Variants in UBR1 observed in about 807,000 individuals in gnomAD.
UBR1 encodes ubiquitin protein ligase E3 component n-recognin 1.
A neutral mutation model predicts 242.1 loss-of-function variants in UBR1; 102 were observed. The observed-to-expected ratio is 0.42, with a 90% CI of 0.36 to 0.50. The LOEUF (loss-of-function observed/expected upper bound fraction) is 0.50, where lower values mean the gene tolerates loss of function less well. Ranked by LOEUF, UBR1 falls within the 20% of genes least tolerant of loss-of-function variation. The pLI, the probability that UBR1 is intolerant of heterozygous loss-of-function variation, is 0.01. For missense variants in UBR1, 1,772 were observed against 2,101.8 expected (o/e 0.84, Z 3.07); for synonymous variants, 675 against 684.8 (o/e 0.99, Z 0.22).
chr15:43,057,955 A>G (rs2033638403), intron 10 of UBR1, among the ~76,000 whole-genome samples: 1 of 151,420 alleles, frequency 6.6e-6, no homozygotes, highest in African/African-American at 2.4e-5. Context: ...TGTTGCCCAG[A>G]CTAGAGGGCA....
Position 42,952,464 on chromosome 15 carries a change from A to G in UBR1, c.4836-16T>C. On this transcript the variant is annotated splice_polypyrimidine_tract_variant and intron_variant, in intron 44 of 46. Transcript: ENST00000290650. ...CCGTGGGCACCTCAAAAGAGAAGAA[A>G]ACATTTAGAGAATGATGGAAAAACA... 6.2e-7 allele frequency: 1 copy of G among 1,614,122 alleles called. No individual in the cohort carries two copies.
chr15:42,954,385 G>A (rs1223842084), intron 44 of UBR1, among the ~76,000 whole-genome samples: 1 of 152,130 alleles, frequency 6.6e-6, no homozygotes, highest in Non-Finnish European at 1.5e-5. Context: ...AGCTAGAACA[G>A]GAAGGTCAAT....
rs184351682 is a variant in UBR1, at chr15:42,944,285, T to C, written c.*1044A>G. On this transcript the variant is annotated 3_prime_UTR_variant, in exon 47 of 47. Coordinates refer to ENST00000290650, the MANE Select transcript of UBR1 (RefSeq NM_174916.3). Reference sequence around the variant, plus strand: ...AACAAGATGGCTCAACCACAGCATGTTATAACAGGACACAGACTATTGATC... The same window carrying C: ...AACAAGATGGCTCAACCACAGCATGCTATAACAGGACACAGACTATTGATC... 1.2e-3 allele frequency: 185 copies of C among 152,744 alleles called. No individual in the cohort carries two copies. Among genetic ancestry groups the C allele is most frequent in the Admixed American group, 3.1e-3 (48 of 15,298 alleles). 9.5% of individuals were successfully genotyped at this position (152,744 alleles called of 1,614,324 possible). A position where few individuals can be genotyped will look rare whatever the true frequency, so the allele number is the denominator to read the frequency against.
At chr15:43,012,469 G>A (rs1184201192) in intron 29 of UBR1, among the ~76,000 whole-genome samples, 1 of 152,198 alleles carries the variant, frequency 6.6e-6, no homozygotes, top group Non-Finnish European at 1.5e-5. Context: ...GTAATGCAGA[G>A]ATGGTCAAAG....
chr15:43,086,071 T>C lies in UBR1; in HGVS notation c.251A>G (p.Asp84Gly). ...LEWYLFGEDP[D>G]ICLEKLKHSG... ...GTGCTTCAATTTCTCTAAGCAAATA[T>C]CTGGATCTTCTCCAAATAAGTACCA... The change falls in exon 2 of 47, where the codon GAT becomes GGT. Residue 84 changes from aspartate (D) to glycine (G), a missense_variant. Physicochemically the swap from Asp to Gly is moderately conservative, Grantham distance 94. Around this residue, in one of 3 missense-constraint regions of UBR1, gnomAD observed 734 missense variants for 893.3 expected, o/e 0.82. Coordinates refer to ENST00000290650, the MANE Select transcript of UBR1 (RefSeq NM_174916.3). 1 of 1,614,138 alleles carries C rather than the reference T, an allele frequency of 6.2e-7. No homozygotes were observed. The highest frequency in any genetic ancestry group is 8.5e-7 in the Non-Finnish European group (1 of 1,180,022).
intron 10 of UBR1, among the ~76,000 whole-genome samples, chr15:43,056,984 T>C (rs2033626928): frequency 6.6e-6 from 1 of 152,098 alleles, no homozygotes; most frequent in Non-Finnish European, 1.5e-5. Flanking sequence ...AATAGGAATA[T>C]ACTCAGTCAC....
chr15:42,964,686 C>A (rs558686007), intron 41 of UBR1, among the ~76,000 whole-genome samples: 20 of 152,176 alleles, frequency 1.3e-4, no homozygotes, highest in Non-Finnish European at 2.2e-4. Context: ...CCTGTCATCT[C>A]CTGTTACCCT....
intron 1 of UBR1, among the ~76,000 whole-genome samples, chr15:43,090,028 T>C (rs1030916882): frequency 1.3e-5 from 2 of 152,212 alleles, no homozygotes; most frequent in Non-Finnish European, 2.9e-5. Context: ...TAATTTCCTG[T>C]CCTTGATAAT....
chr15:43,070,397 G>T (rs1372173806), intron 5 of UBR1, among the ~76,000 whole-genome samples: 1 of 151,846 alleles, frequency 6.6e-6, no homozygotes, highest in Admixed American at 6.6e-5. Context: ...GCTAAATGGA[G>T]ATACACTGTT....
intron 3 of UBR1, among the ~76,000 whole-genome samples, chr15:43,076,213 C>G (rs1280195436): frequency 7.2e-5 from 11 of 152,116 alleles, no homozygotes; most frequent in African/African-American, 2.6e-4. Flanking sequence ...AGCCCCTAAC[C>G]GCGAGTGATC....
At chr15:43,049,851 CAA>C (rs1271592832) in intron 12 of UBR1, among the ~76,000 whole-genome samples, 2 of 152,186 alleles carry the variant, frequency 1.3e-5, no homozygotes, top group African/African-American at 4.8e-5. Context: ...CACTACTACT[CAA>C]AGTGTGGTCC....
intron 23 of UBR1, 137 bp from the exon 24 acceptor site, chr15:43,025,566 T>C (rs2033168010): frequency 1.2e-5 from 8 of 667,574 alleles, no homozygotes; most frequent in Non-Finnish European, 2.1e-5. Context: ...TGCCTCTTTG[T>C]CCTAGAAATA....
chr15:42,966,940 G>T (rs1596078439), intron 40 of UBR1, among the ~76,000 whole-genome samples: 1 of 151,824 alleles, frequency 6.6e-6, no homozygotes, highest in Admixed American at 6.6e-5. Flanking sequence ...TATTTTTTGA[G>T]ATAGAGTCTT....
Position 42,945,395 on chromosome 15 carries a change from T to C in UBR1, c.5184A>G (p.Ile1728Met), listed in dbSNP as rs2031714973. 3 of 1,614,228 alleles carry C rather than the reference T, an allele frequency of 1.9e-6. No individual in the cohort carries two copies. Among genetic ancestry groups the C allele is most frequent in the Non-Finnish European group, 2.5e-6 (3 of 1,180,040 alleles). The change falls in exon 47 of 47, where the codon ATA (isoleucine) becomes ATG (methionine). Residue 1728 changes from isoleucine (I) to methionine (M), a missense_variant. Around this residue, in one of 3 missense-constraint regions of UBR1, gnomAD observed 965 missense variants for 1,079.7 expected, o/e 0.89. Coordinates refer to ENST00000290650, the MANE Select transcript of UBR1 (RefSeq NM_174916.3). ...LHLVWQQHCI[I>M]EEIARSQETN... ...TCTCTTGGCTCCTAGCAATCTCTTC[T>C]ATAATGCAGTGTTGTTGCCAGACCA...
intron 35 of UBR1, among the ~76,000 whole-genome samples, chr15:42,987,050 C>A (rs1307863933): frequency 6.6e-6 from 1 of 152,258 alleles, no homozygotes; most frequent in Non-Finnish European, 1.5e-5. Context: ...GCGGCGCTTC[C>A]TCAGCTCCCA....
intron 19 of UBR1, among the ~76,000 whole-genome samples, chr15:43,035,094 A>T (rs993748221): frequency 6.6e-6 from 1 of 152,186 alleles, no homozygotes; most frequent in African/African-American, 2.4e-5. Flanking sequence ...TATAGTTATT[A>T]AAAATGATGA....
intron 38 of UBR1, 79 bp downstream of exon 38, chr15:42,977,801 C>CA: frequency 8.1e-7 from 1 of 1,232,258 alleles, no homozygotes; most frequent in Non-Finnish European, 1.2e-6. Flanking sequence ...TAATCTTGAA[C>CA]AAAGGGCATG....
intron 40 of UBR1, 100 bp from the exon 41 acceptor site, chr15:42,966,386 G>A: frequency 6.7e-7 from 1 of 1,483,484 alleles, no homozygotes; most frequent in Non-Finnish European, 9.3e-7. Context: ...AAACATTTAG[G>A]TAATTTATTA....
chr15:43,049,737 A>G (rs546214494), intron 12 of UBR1, among the ~76,000 whole-genome samples: 5 of 152,300 alleles, frequency 3.3e-5, no homozygotes, highest in African/African-American at 9.6e-5. Flanking sequence ...CAAATATACT[A>G]ATTACCATCT....
Sources: allele counts gnomAD v4.1 joint callset (sites outside exome capture counted in the v4.1 genomes callset), GRCh38; gene constraint gnomAD v4.1.1; regional missense constraint gnomAD v4.1.1; transcripts MANE v1.5; gene names NCBI Gene and HGNC (gene_info 2026-07-23, HGNC 2026-07-21).